Variants in CHIC2 observed in about 807,000 individuals in gnomAD.
The protein encoded by CHIC2 is cysteine rich hydrophobic domain 2, also known as cysteine-rich hydrophobic domain-containing protein 2.
In CHIC2, 14 loss-of-function variants were observed where a neutral mutation model predicts 25.9. The ratio of observed to expected loss-of-function variants is 0.54; its 90% CI spans 0.36 to 0.85. CHIC2 has a LOEUF of 0.85. Ranked by LOEUF, CHIC2 falls within the 40% of genes least tolerant of loss-of-function variation. CHIC2 has a pLI of 0.01. For missense variants in CHIC2, 146 were observed against 202.0 expected (o/e 0.72, Z 1.68); for synonymous variants, 70 against 72.0 (o/e 0.97, Z 0.14).
intron 5 of CHIC2, among the ~76,000 whole-genome samples, chr4:54,011,331 G>C (rs942485110): frequency 1.3e-5 from 2 of 152,032 alleles, no homozygotes; most frequent in South Asian, 4.1e-4. Flanking sequence ...AGGCTTAGCT[G>C]TCACATTTGC....
intron 3 of CHIC2, among the ~76,000 whole-genome samples, chr4:54,019,535 TAGTG>T (rs1463578389): frequency 6.6e-6 from 1 of 152,192 alleles, no homozygotes; most frequent in Non-Finnish European, 1.5e-5. Flanking sequence ...CGATCTAGGC[TAGTG>T]AGAGAATATT....
At chr4:54,064,763 A>C (rs1717468183), upstream of CHIC2, 1 of 551,628 alleles carries the variant, frequency 1.8e-6, no homozygotes, top group Admixed American at 6.6e-5. This position sits in a 1 kb window ranked among gnomAD's most constrained non-coding sequence, Gnocchi z 4.2. Context: ...GCGCGCTCCC[A>C]GGCCACCGTC....
chr4:54,031,011 C>A (rs1287277554), intron 3 of CHIC2, among the ~76,000 whole-genome samples: 4 of 151,808 alleles, frequency 2.6e-5, no homozygotes, highest in Admixed American at 6.6e-5. Flanking sequence ...TCTTGTGTAG[C>A]TGGGATTACA....
intron 3 of CHIC2, among the ~76,000 whole-genome samples, chr4:54,020,105 C>G (rs148112309): frequency 6.6e-6 from 1 of 152,138 alleles, no homozygotes; most frequent in South Asian, 2.1e-4. Context: ...CCAAGCTAAG[C>G]CATCATATCC....
the CHIC2 span, among the ~76,000 whole-genome samples, chr4:54,088,643 G>T: frequency 6.6e-6 from 1 of 152,148 alleles, no homozygotes; most frequent in Admixed American, 6.5e-5. Context: ...ATCATGGAGG[G>T]CCTTTTGTTC....
chr4:54,049,583 G>C (rs1188067690), intron 1 of CHIC2, among the ~76,000 whole-genome samples: 1 of 152,116 alleles, frequency 6.6e-6, no homozygotes, highest in East Asian at 1.9e-4. Context: ...CATTTAATTT[G>C]AGCTACCAAC....
the CHIC2 span, among the ~76,000 whole-genome samples, chr4:54,081,057 G>T: frequency 6.9e-6 from 1 of 145,770 alleles, no homozygotes; most frequent in Non-Finnish European, 1.5e-5. Flanking sequence ...AATTTTATTT[G>T]ATTAATATCT....
At chr4:54,058,843 T>C (rs758942844) in intron 1 of CHIC2, among the ~76,000 whole-genome samples, 75 of 152,164 alleles carry the variant, frequency 4.9e-4, no homozygotes, top group Non-Finnish European at 8.8e-4. Context: ...ATTATTTATT[T>C]AAATTATTTA....
chr4:54,090,432 G>A, the CHIC2 span, among the ~76,000 whole-genome samples: 8 of 152,116 alleles, frequency 5.3e-5, no homozygotes, highest in Admixed American at 2.6e-4. Flanking sequence ...TAATCTGCCT[G>A]CCTCGGCCTG....
chr4:54,035,117 A>T (rs1389567564), intron 3 of CHIC2, among the ~76,000 whole-genome samples: 1 of 152,006 alleles, frequency 6.6e-6, no homozygotes, highest in South Asian at 2.1e-4. Context: ...CTTTCTTTTC[A>T]TGTTTTTGTT....
chr4:54,080,970 A>G, the CHIC2 span, among the ~76,000 whole-genome samples: 215 of 139,240 alleles, frequency 1.5e-3, 5 homozygotes, highest in African/African-American at 5.6e-3. Context: ...ATATATATAT[A>G]TATATATATA....
At chr4:54,048,818 T>C in intron 3 of CHIC2, 137 bp downstream of exon 3, 1 of 669,556 alleles carries the variant, frequency 1.5e-6, no homozygotes, top group Non-Finnish European at 2.3e-6. Flanking sequence ...ACTGACTCAC[T>C]CCTCTCCTGG....
chr4:54,026,959 C>A (rs1370026438), intron 3 of CHIC2, among the ~76,000 whole-genome samples: 1 of 152,038 alleles, frequency 6.6e-6, no homozygotes, highest in Non-Finnish European at 1.5e-5. Flanking sequence ...CAGATATTAT[C>A]CTGAGACAAA....
At chr4:54,016,305 C>T (rs1715736768) in intron 3 of CHIC2, among the ~76,000 whole-genome samples, 1 of 152,004 alleles carries the variant, frequency 6.6e-6, no homozygotes, top group African/African-American at 2.4e-5. Flanking sequence ...AAGAATAGAT[C>T]TCATTATGAT....
chr4:54,022,326 G>A (rs1184061695), intron 3 of CHIC2, among the ~76,000 whole-genome samples: 8 of 152,144 alleles, frequency 5.3e-5, no homozygotes, highest in Non-Finnish European at 1.0e-4. Flanking sequence ...CATCACAGAC[G>A]CTCTGGGTAA....
chr4:54,016,012 G>A (rs1053515859), intron 3 of CHIC2, among the ~76,000 whole-genome samples: 4 of 152,156 alleles, frequency 2.6e-5, no homozygotes, highest in African/African-American at 9.7e-5. Context: ...TGGCAAAACC[G>A]ATTCAAAACC....
intron 3 of CHIC2, among the ~76,000 whole-genome samples, chr4:54,028,983 C>T (rs1475264205): frequency 1.3e-5 from 2 of 152,034 alleles, no homozygotes; most frequent in Admixed American, 6.6e-5. Context: ...ATTAGCCAGG[C>T]GTGGTGGTGT....
At chr4:54,021,681 C>T (rs1715903482) in intron 3 of CHIC2, among the ~76,000 whole-genome samples, 1 of 152,060 alleles carries the variant, frequency 6.6e-6, no homozygotes, top group Non-Finnish European at 1.5e-5. Flanking sequence ...AATCAGTTAG[C>T]GTTTAGGCTC....
the CHIC2 span, among the ~76,000 whole-genome samples, chr4:54,081,322 T>C: frequency 6.6e-6 from 1 of 151,960 alleles, no homozygotes; most frequent in Non-Finnish European, 1.5e-5. Flanking sequence ...TGTTTTCTAG[T>C]CTATAAGATG....
Sources: gnomAD v4.1 joint callset for allele counts (sites outside exome capture counted in the v4.1 genomes callset) on GRCh38, gnomAD v4.1.1 for gene constraint, Gnocchi (gnomAD v3.1) non-coding constraint, MANE v1.5 for transcripts, NCBI Gene and HGNC (gene_info 2026-07-23, HGNC 2026-07-21) for gene names.